Variants in LYPD6B observed in about 807,000 individuals in gnomAD.
The protein encoded by LYPD6B is ly6/PLAUR domain-containing protein 6B.
In LYPD6B, 17 loss-of-function variants were observed where a neutral mutation model predicts 22.8. That is an observed-to-expected ratio of 0.75 (90% confidence interval 0.51 to 1.12). The LOEUF is 1.12. Among genes scored for constraint, LYPD6B ranks in the 50% most tolerant of loss-of-function variants. LYPD6B has a pLI of 0.00. For missense variants in LYPD6B, 221 were observed against 258.3 expected (o/e 0.86, Z 0.99); for synonymous variants, 106 against 91.6 (o/e 1.16, Z -0.90).
At chr2:149,056,422 T>G (rs4667361) in intron 1 of LYPD6B, among the ~76,000 whole-genome samples, 1 of 152,022 alleles carries the variant, frequency 6.6e-6, no homozygotes, top group African/African-American at 2.4e-5. Context: ...AGGTGACCAA[T>G]GTGGGCTTCA....
At chr2:149,123,241 T>G (rs1687488129) in intron 1 of LYPD6B, among the ~76,000 whole-genome samples, 1 of 152,206 alleles carries the variant, frequency 6.6e-6, no homozygotes, top group South Asian at 2.1e-4. Flanking sequence ...TCATTCAGCA[T>G]GTTAAATTAA....
Position 149,121,790 on chromosome 2 carries a change from C to T in LYPD6B, c.-66-9093C>T, listed in dbSNP as rs142379805. Among the ~76,000 whole-genome samples the T allele has an allele frequency of 4.6e-5, 7 of 152,242 alleles. No homozygotes were observed. In the East Asian group the frequency reaches 1.4e-3, roughly 29 times the overall value. On this transcript the variant is annotated intron_variant, in intron 1 of 6. Coordinates refer to ENST00000409642, the MANE Select transcript of LYPD6B (RefSeq NM_177964.5). Reference sequence around the variant, plus strand: ...TCACCAGAGATGCTGCAGTGAAGCACCCAAGGATTGGAGGGAACACCTCAA... The same window carrying T: ...TCACCAGAGATGCTGCAGTGAAGCATCCAAGGATTGGAGGGAACACCTCAA...
chr2:149,133,487 C>A (rs1464051245), intron 2 of LYPD6B, among the ~76,000 whole-genome samples: 1 of 152,166 alleles, frequency 6.6e-6, no homozygotes, highest in Admixed American at 6.6e-5. Flanking sequence ...CACAACTAGG[C>A]ATTGGTATTG....
chr2:149,042,792 T>G (rs1298398950), intron 1 of LYPD6B, among the ~76,000 whole-genome samples: 1 of 152,222 alleles, frequency 6.6e-6, no homozygotes, highest in Non-Finnish European at 1.5e-5. Context: ...CTGGAAATCA[T>G]GGCTTATTCT....
chr2:149,106,915 A>G (rs1422131823), intron 1 of LYPD6B, among the ~76,000 whole-genome samples: 1 of 152,076 alleles, frequency 6.6e-6, no homozygotes, highest in Non-Finnish European at 1.5e-5. Context: ...CCAATACAGC[A>G]GTCCCCCCTT....
At chr2:149,071,448 G>A (rs976456651) in intron 1 of LYPD6B, among the ~76,000 whole-genome samples, 1 of 152,064 alleles carries the variant, frequency 6.6e-6, no homozygotes, top group African/African-American at 2.4e-5. Context: ...TGTATCAATC[G>A]GTTGTCAAAT....
intron 3 of LYPD6B, among the ~76,000 whole-genome samples, chr2:149,169,126 A>T (rs1690641205): frequency 6.6e-6 from 1 of 152,162 alleles, no homozygotes; most frequent in Admixed American, 6.5e-5. Context: ...GGAAATGATT[A>T]ATTCAGATTA....
intron 3 of LYPD6B, among the ~76,000 whole-genome samples, chr2:149,165,841 T>C (rs1690385275): frequency 6.6e-6 from 1 of 152,190 alleles, no homozygotes; most frequent in African/African-American, 2.4e-5. Context: ...TCTCTTGGAC[T>C]GTGTGGTTTT....
At chr2:149,149,405 G>A (rs445794) in intron 2 of LYPD6B, among the ~76,000 whole-genome samples, 56,018 of 146,102 alleles carry the variant, frequency 0.38, 11,046 homozygotes, top group African/African-American at 0.51. Context: ...GTCTCCTCCT[G>A]TACTCAAATC....
chr2:149,170,937 A>G (rs191303510), intron 3 of LYPD6B, among the ~76,000 whole-genome samples: 17 of 152,318 alleles, frequency 1.1e-4, no homozygotes, highest in African/African-American at 4.1e-4. Context: ...CAGGAACTTT[A>G]TCTTCTTCAT....
At chr2:149,101,110 C>T (rs575060218) in intron 1 of LYPD6B, 5 of 152,354 alleles carry the variant, frequency 3.3e-5, no homozygotes, top group East Asian at 3.9e-4. Context: ...TGTGTGCCTT[C>T]GGCAAAAGAG....
At chr2:149,144,170 T>G (rs1236585975) in intron 2 of LYPD6B, among the ~76,000 whole-genome samples, 1 of 152,168 alleles carries the variant, frequency 6.6e-6, no homozygotes, top group Non-Finnish European at 1.5e-5. Context: ...ATGGTCTGGT[T>G]CATCAGTGGC....
Position 149,187,507 on chromosome 2 carries a change from A to G in LYPD6B, c.78-17746A>G, listed in dbSNP as rs1692195782. On this transcript the variant is annotated intron_variant, in intron 3 of 6. Coordinates refer to ENST00000409642, the MANE Select transcript of LYPD6B (RefSeq NM_177964.5). The stretch of plus-strand genomic sequence containing the variant: ...ATGCAGAAGAGATATTTTCAGCTGA[A>G]TATTGGAAAGTAAGATTCCCTGCGA... The G allele has an allele frequency of 2.7e-6, 4 of 1,504,052 alleles. No homozygotes were observed. In the South Asian group the frequency reaches 5.2e-5, roughly 20 times the overall value. 93.2% of individuals were successfully genotyped at this position (1,504,052 alleles called of 1,614,324 possible).
chr2:149,189,424 T>C (rs988550972), intron 3 of LYPD6B, among the ~76,000 whole-genome samples: 3 of 146,490 alleles, frequency 2.0e-5, no homozygotes, highest in Non-Finnish European at 4.5e-5. Context: ...AGTTATCTCA[T>C]GTGGATCACT....
At chr2:149,122,269 C>T (rs6714204) in intron 1 of LYPD6B, among the ~76,000 whole-genome samples, 15,519 of 152,066 alleles carry the variant, frequency 0.1, 2,245 homozygotes, top group African/African-American at 0.3. Flanking sequence ...CTGTGGCCAT[C>T]TTTCTAGTCA....
intron 3 of LYPD6B, among the ~76,000 whole-genome samples, chr2:149,180,086 A>G (rs1014131847): frequency 1.3e-5 from 2 of 152,198 alleles, no homozygotes; most frequent in African/African-American, 4.8e-5. Flanking sequence ...TTTAATCAGT[A>G]TTTGCTGTCA....
At chr2:149,184,961 T>G (rs536159772) in intron 3 of LYPD6B, among the ~76,000 whole-genome samples, 5 of 152,376 alleles carry the variant, frequency 3.3e-5, no homozygotes, top group Non-Finnish European at 7.3e-5. Context: ...AAAGAAAATA[T>G]GACTTTGCTT....
intron 3 of LYPD6B, among the ~76,000 whole-genome samples, chr2:149,184,817 G>A (rs1468763973): frequency 6.6e-6 from 1 of 152,198 alleles, no homozygotes; most frequent in East Asian, 1.9e-4. Context: ...TGGAGTGGTG[G>A]CCATGTGGCT....
chr2:149,186,993 C>T (rs1692153733), intron 3 of LYPD6B, among the ~76,000 whole-genome samples: 1 of 152,100 alleles, frequency 6.6e-6, no homozygotes, highest in South Asian at 2.1e-4. Context: ...AAGGCAGGAC[C>T]CTCCACCAGC....
Sources: allele counts gnomAD v4.1 joint callset (sites outside exome capture counted in the v4.1 genomes callset), GRCh38; gene constraint gnomAD v4.1.1; transcripts MANE v1.5; gene names NCBI Gene and HGNC (gene_info 2026-07-23, HGNC 2026-07-21).